BBS4: variants seen among roughly 807,000 people sequenced by gnomAD.
The protein encoded by BBS4 is BBSome complex member BBS4.
A neutral mutation model predicts 71.4 loss-of-function variants in BBS4; 58 were observed. The observed-to-expected ratio is 0.81, with a 90% CI of 0.66 to 1.01. The LOEUF (loss-of-function observed/expected upper bound fraction) is 1.01. Ranked by LOEUF, BBS4 falls within the 50% of genes least tolerant of loss-of-function variation. The pLI is 0.00. For missense variants in BBS4, 660 were observed against 607.9 expected, an observed-to-expected ratio of 1.09 and a Z score of -0.90; for synonymous variants, 228 against 216.8, an observed-to-expected ratio of 1.05 and a Z score of -0.46.
chr15:72,715,223 C>G, intron 4 of BBS4, 68 bp from the exon 5 acceptor site: 2 of 1,175,066 alleles, frequency 1.7e-6, no homozygotes, highest in Non-Finnish European at 2.5e-6. Context: ...TCCAATTTTT[C>G]TGACCCCAGG....
Position 72,737,715 on chromosome 15 carries a change from GC to G in BBS4, c.*130del. On this transcript the variant is annotated 3_prime_UTR_variant, in exon 16 of 16. Transcript: ENST00000268057. ...AATACAGTGTGTGTTATTACGAGGA[GC>G]CAGCAGTTGAGCCTAAGGTCCTTCT... The G allele has an allele frequency of 1.2e-6, 1 of 804,068 alleles. No individual in the cohort carries two copies. Among genetic ancestry groups the G allele is most frequent in the Non-Finnish European group, 2.1e-6 (1 of 486,334 alleles). 49.8% of individuals were successfully genotyped at this position (804,068 alleles called of 1,614,324 possible).
chr15:72,686,955 A>G, intron 1 of BBS4: 1 of 224,880 alleles, frequency 4.4e-6, no homozygotes, highest in South Asian at 5.6e-5. Context: ...TCTTTCGAAA[A>G]ACGCCCTGGA....
At chr15:72,714,980 ATGT>A (rs1186622767) in intron 4 of BBS4, among the ~76,000 whole-genome samples, 4 of 152,338 alleles carry the variant, frequency 2.6e-5, no homozygotes, top group African/African-American at 9.6e-5. Context: ...AAGCCCCAAA[ATGT>A]TGTTAATGTG....
chr15:72,735,209 G>T, intron 13 of BBS4, 27 bp downstream of exon 13: 2 of 1,584,176 alleles, frequency 1.3e-6, no homozygotes, highest in Non-Finnish European at 1.7e-6. Flanking sequence ...GAATGGTACT[G>T]GCGGGGGTTG....
chr15:72,729,247 GT>G (rs141392671), intron 9 of BBS4, among the ~76,000 whole-genome samples: 2,221 of 84,852 alleles, frequency 0.026, 16 homozygotes, highest in Non-Finnish European at 0.035. Flanking sequence ...TGGCCAGACT[GT>G]TTTTTTTTTT....
intron 6 of BBS4, chr15:72,717,130 T>C (rs1030632412): frequency 1.4e-5 from 6 of 428,954 alleles, no homozygotes; most frequent in Non-Finnish European, 2.5e-5. Context: ...TTTTTCGTCA[T>C]TGGAATTCCA....
At chr15:72,707,463 G>A (rs1461112359) in intron 2 of BBS4, among the ~76,000 whole-genome samples, 2 of 152,022 alleles carry the variant, frequency 1.3e-5, no homozygotes, top group African/African-American at 2.4e-5. Context: ...ATAGGCATGA[G>A]CCACCACATC....
At chr15:72,699,706 T>C (rs936921878) in intron 2 of BBS4, among the ~76,000 whole-genome samples, 1 of 152,256 alleles carries the variant, frequency 6.6e-6, no homozygotes, top group Non-Finnish European at 1.5e-5. Context: ...TATAATAAGT[T>C]GTGCTTGAAC....
intron 2 of BBS4, among the ~76,000 whole-genome samples, chr15:72,706,182 G>T (rs888119634): frequency 1.3e-5 from 2 of 152,038 alleles, no homozygotes; most frequent in African/African-American, 4.8e-5. Context: ...TGTCGCCCAG[G>T]CTGGAGTGCA....
chr15:72,706,857 T>C (rs2151012536), intron 2 of BBS4, among the ~76,000 whole-genome samples: 1 of 152,222 alleles, frequency 6.6e-6, no homozygotes, highest in African/African-American at 2.4e-5. Context: ...AAATTAAATT[T>C]TTTGTTGAAA....
At chr15:72,711,847 C>T (rs4776611) in intron 3 of BBS4, among the ~76,000 whole-genome samples, 18,038 of 151,724 alleles carry the variant, frequency 0.12, 1,705 homozygotes, top group East Asian at 0.46. Context: ...TTCTTGTCCA[C>T]GTCTGCTTTT....
At chr15:72,737,427 T>C in intron 15 of BBS4, 51 bp from the exon 16 acceptor site, 1 of 1,479,682 alleles carries the variant, frequency 6.8e-7, no homozygotes, top group South Asian at 1.2e-5. Flanking sequence ...AAAGAATGAT[T>C]TCTTCTGAAA....
In BBS4 at chr15:72,715,302, C is replaced by T. The variant is rs145168232; in HGVS notation, c.232C>T (p.Arg78Cys). 20 of 1,610,380 alleles carry T rather than the reference C, an allele frequency of 1.2e-5. No individual in the cohort carries two copies. Among genetic ancestry groups the T allele is most frequent in the Admixed American group, 8.3e-5 (5 of 59,988 alleles). ...YAIYVQALIF[R>C]LEGNIQESLE... ...CTGTTTCTTGGCAGCATTGATATTT[C>T]GCCTAGAAGGAAATATCCAAGAATC... The change falls in exon 5 of 16, where the codon CGC (arginine) becomes TGC (cysteine). Residue 78 changes from arginine to cysteine, a missense_variant. By Grantham distance (180) the Arg-to-Cys change is radical. Coordinates refer to ENST00000268057, the MANE Select transcript of BBS4 (RefSeq NM_033028.5).
At chr15:72,714,220 C>CTTTTTTTTTTTTTTTTTTTTTTTTTTTT (rs58123834) in intron 4 of BBS4, among the ~76,000 whole-genome samples, 1 of 98,448 alleles carries the variant, frequency 1.0e-5, no homozygotes, top group Non-Finnish European at 1.9e-5. Flanking sequence ...CACTCACTTA[C>CTTTTTTTTTTTTTTTTTTTTTTTTTTTT]TTTTTTTTTT....
Position 72,731,641 on chromosome 15 carries a change from G to T in BBS4, c.951G>T (p.Met317Ile). ...LYNLGLVHLTMQQYASAFHFL... is the reference protein window; with the variant it reads ...LYNLGLVHLTIQQYASAFHFL... ...ATTTGGGCCTTGTCCATTTGACCAT[G>T]CAGCAGTATGCATCAGCTTTTCATT... Residue 317 changes from methionine to isoleucine, a missense_variant, in exon 12 of 16, where the codon ATG (methionine) becomes ATT (isoleucine). Physicochemically the swap from Met to Ile is conservative, Grantham distance 10. Transcript: ENST00000268057. 6.2e-7 allele frequency: 1 copy of T among 1,614,206 alleles called. No individual in the cohort carries two copies. Among genetic ancestry groups the T allele is most frequent in the Non-Finnish European group, 8.5e-7 (1 of 1,180,050 alleles).
intron 1 of BBS4, among the ~76,000 whole-genome samples, chr15:72,693,146 A>G (rs1468932564): frequency 6.6e-6 from 1 of 152,188 alleles, no homozygotes; most frequent in Non-Finnish European, 1.5e-5. Context: ...GCCATCTGCA[A>G]ATGTATGCCA....
chr15:72,735,670 C>T, intron 13 of BBS4, 155 bp from the exon 14 acceptor site: 2 of 952,226 alleles, frequency 2.1e-6, no homozygotes, highest in East Asian at 2.4e-5. Flanking sequence ...TGATTCTTCT[C>T]CACAGGTCTG....
chr15:72,693,259 A>G (rs940851326), intron 1 of BBS4, among the ~76,000 whole-genome samples: 1 of 152,128 alleles, frequency 6.6e-6, no homozygotes, highest in African/African-American at 2.4e-5. Flanking sequence ...ATACTTGCTT[A>G]TTTTACCAAT....
intron 6 of BBS4, among the ~76,000 whole-genome samples, chr15:72,720,273 C>T (rs866944371): frequency 2.6e-5 from 4 of 151,702 alleles, no homozygotes; most frequent in Middle Eastern, 6.8e-3. Context: ...ATCACTTGAG[C>T]CCAGGAGTCT....
Sources: allele counts gnomAD v4.1 joint callset (sites outside exome capture counted in the v4.1 genomes callset), GRCh38; gene constraint gnomAD v4.1.1; transcripts MANE v1.5; gene names NCBI Gene and HGNC (gene_info 2026-07-23, HGNC 2026-07-21).